Variants in TRPM4 observed in about 807,000 individuals in gnomAD.
The protein encoded by TRPM4 is transient receptor potential cation channel subfamily M member 4.
Under a neutral mutation model 135.6 loss-of-function variants are expected in TRPM4, and 124 were observed. The ratio of observed to expected loss-of-function variants is 0.91; its 90% CI spans 0.79 to 1.06. TRPM4 has a LOEUF of 1.06. Ranked by LOEUF, TRPM4 falls within the 50% of genes least tolerant of loss-of-function variation. The probability of loss-of-function intolerance (pLI) is 0.00; values close to 1 mark genes in which losing one functional copy is unlikely to be tolerated. For synonymous variants in TRPM4, 745 were observed against 705.6 expected (o/e 1.06, Z -0.88); for missense variants, 1,658 against 1,671.4 (o/e 0.99, Z 0.14).
chr19:49,196,697 C>T lies in TRPM4; in HGVS notation c.2468C>T (p.Thr823Met), dbSNP rs763766313. The T allele has an allele frequency of 1.3e-6, 2 of 1,551,056 alleles. No individual in the cohort carries two copies. The highest frequency in any genetic ancestry group is 1.7e-6 in the Non-Finnish European group (2 of 1,154,100). Residue 823 changes from threonine (T) to methionine (M), a missense_variant, in exon 17 of 25, where the codon ACG (threonine) becomes ATG (methionine). By Grantham distance (81) the Thr-to-Met change is moderately conservative (BLOSUM62 -1). Around this residue, in one of 3 missense-constraint regions of TRPM4, gnomAD observed 1,412 missense variants for 1,408.7 expected, o/e 1.00. Transcript: ENST00000252826. ...LELLLYFWAF[T>M]LLCEELRQGL... ...CTGCTGCTCTATTTCTGGGCTTTCA[C>T]GCTGCTGTGCGAGGAACTGCGCCAG...
rs1296710638 is a variant in TRPM4 at position 49,171,458 on chromosome 19, G to A, written c.858+40G>A. The A allele has an allele frequency of 1.2e-6, 2 of 1,613,374 alleles. No homozygotes were observed. Among genetic ancestry groups the A allele is most frequent in the Non-Finnish European group, 1.7e-6 (2 of 1,179,438 alleles). On this transcript the variant is annotated intron_variant, in intron 7 of 24. Coordinates refer to ENST00000252826, the MANE Select transcript of TRPM4 (RefSeq NM_017636.4). The surrounding 1 kb of genome is among the most constrained non-coding windows in gnomAD (Gnocchi z 4.7). ...ATGCCCGGATCTAAGGGGGAAGGAG[G>A]GTTGGGGGCCAGGACTCCTGGGTCC... is the stretch of plus-strand genomic sequence containing the variant.
rs747867780 is a variant in TRPM4 at position 49,210,451 on chromosome 19, G to C, written c.3328+46G>C. On this transcript the variant is annotated intron_variant, in intron 21 of 24. Transcript: ENST00000252826. This position sits in a 1 kb window ranked among gnomAD's most constrained non-coding sequence, Gnocchi z 4.1. The stretch of plus-strand genomic sequence containing the variant: ...AAAAAGGAGAAATATAGGGGACCGG[G>C]AGCCTGGAAGGCGAGGGGAAGGGGG... The C allele has an allele frequency of 6.3e-7, 1 of 1,598,644 alleles. No individual in the cohort carries two copies. The highest frequency in any genetic ancestry group is 1.1e-5 in the South Asian group (1 of 90,774).
rs754161584 is a variant in TRPM4, at chr19:49,200,439, C to A, written c.2778+7C>A. The A allele has an allele frequency of 3.7e-6, 6 of 1,602,946 alleles. No homozygotes were observed. In the East Asian group the frequency reaches 1.3e-4, roughly 36 times the overall value. On this transcript the variant is annotated splice_region_variant and intron_variant, in intron 18 of 24. Coordinates refer to ENST00000252826, the MANE Select transcript of TRPM4 (RefSeq NM_017636.4). Reference sequence around the variant, plus strand: ...CGTCATCGTGAGCAAGATGGTGAGGCAGGGGCGGGGCCAAAGTGGGCGGGG... The same window carrying A: ...CGTCATCGTGAGCAAGATGGTGAGGAAGGGGCGGGGCCAAAGTGGGCGGGG...
At chr19:49,207,349 A>G (rs976623767) in intron 20 of TRPM4, among the ~76,000 whole-genome samples, 1 of 152,172 alleles carries the variant, frequency 6.6e-6, no homozygotes. Context: ...TTTAAAAATT[A>G]TGATGCATGG....
intron 20 of TRPM4, among the ~76,000 whole-genome samples, chr19:49,207,359 G>T (rs929991817): frequency 2.0e-5 from 3 of 152,024 alleles, no homozygotes; most frequent in African/African-American, 7.2e-5. Flanking sequence ...ATGATGCATG[G>T]TGGCTTGTGC....
In TRPM4 at chr19:49,210,288, T is replaced by C; in HGVS notation, c.3211T>C (p.Ser1071Pro). 3.7e-6 allele frequency: 6 copies of C among 1,614,204 alleles called. No individual in the cohort carries two copies. Among genetic ancestry groups the C allele is most frequent in the Non-Finnish European group, 5.1e-6 (6 of 1,180,036 alleles). The change falls in exon 21 of 25, where the codon TCT becomes CCT. Residue 1071 changes from serine to proline, a missense_variant. Coordinates refer to ENST00000252826, the MANE Select transcript of TRPM4 (RefSeq NM_017636.4). This position sits in a 1 kb window ranked among gnomAD's most constrained non-coding sequence, Gnocchi z 4.1. ...QRYRLIREFH[S>P]RPALAPPFIV... is the part of the protein sequence containing the mutation. ...TTACCGCCTCATCCGGGAATTCCAC[T>C]CTCGGCCCGCGCTGGCCCCGCCCTT...
chr19:49,160,929 G>C (rs1966936954), intron 2 of TRPM4, among the ~76,000 whole-genome samples: 1 of 152,168 alleles, frequency 6.6e-6, no homozygotes, highest in Non-Finnish European at 1.5e-5. Flanking sequence ...GAGGGAGAGA[G>C]GGGGTGCCGC....
intron 6 of TRPM4, among the ~76,000 whole-genome samples, chr19:49,170,672 A>C (rs984184624): frequency 3.3e-5 from 5 of 152,286 alleles, no homozygotes; most frequent in Admixed American, 2.6e-4. Context: ...TGACTCATAC[A>C]AGAAACACCT....
intron 9 of TRPM4, among the ~76,000 whole-genome samples, chr19:49,173,241 C>T (rs1341778161): frequency 6.6e-6 from 1 of 151,710 alleles, no homozygotes; most frequent in African/African-American, 2.4e-5. Flanking sequence ...TCTACTCATT[C>T]CTCCATCCAT....
At position 49,168,652 on chromosome 19, in the gene TRPM4, G is replaced by A. The variant is rs923280649; in HGVS notation, c.712G>A (p.Gly238Ser). The A allele has an allele frequency of 5.6e-6, 9 of 1,613,190 alleles. No individual in the cohort carries two copies. Among genetic ancestry groups the A allele is most frequent in the East Asian group, 2.2e-5 (1 of 44,874 alleles). ...CTCGGCCTTCTTCCTGGTGGACGAC[G>A]GCACACACGGCTGCCTGGGGGGCGA... ...NYSAFFLVDD[G>S]THGCLGGENR... Residue 238 changes from glycine (G) to serine (S), a missense_variant, in exon 6 of 25, where the codon GGC becomes AGC. Transcript: ENST00000252826.
At chr19:49,180,486 G>A (rs984722136) in intron 9 of TRPM4, among the ~76,000 whole-genome samples, 3 of 141,988 alleles carry the variant, frequency 2.1e-5, no homozygotes, top group Admixed American at 7.4e-5. Context: ...GTTGCACCCG[G>A]GCCTTTGCTT....
chr19:49,204,664 G>C (rs1969076985), intron 20 of TRPM4, among the ~76,000 whole-genome samples: 1 of 151,792 alleles, frequency 6.6e-6, no homozygotes, highest in Non-Finnish European at 1.5e-5. Context: ...CAAGTAGCTG[G>C]GACTACAGTT....
In TRPM4 at chr19:49,168,250, G is replaced by A. The variant is rs78444754; in HGVS notation, c.449-10G>A. The A allele has an allele frequency of 0.025, 39,683 of 1,614,016 alleles. 574 individuals are homozygous for A. The highest frequency in any genetic ancestry group is 0.034 in the South Asian group (3,069 of 91,070). ...CCCCTGCCTCTGCATGTTCCTCGGCGTCTGTGTAGGAGCCTGGATTGTCAC... is the reference window on the plus strand; with the variant it reads ...CCCCTGCCTCTGCATGTTCCTCGGCATCTGTGTAGGAGCCTGGATTGTCAC... On this transcript the variant is annotated splice_polypyrimidine_tract_variant and intron_variant, in intron 4 of 24. Coordinates refer to ENST00000252826, the MANE Select transcript of TRPM4 (RefSeq NM_017636.4).
At position 49,210,724 on chromosome 19, in the gene TRPM4, A is replaced by T. The variant is rs1969325097; in HGVS notation, c.3343A>T (p.Lys1115Ter). ...ALEHFRVYLS[K>*]EAERKLLTWE... ...CGCCCCTGCAGGGGTTTACCTTTCT[A>T]AGGAAGCCGAGCGGAAGCTGCTAAC... The change falls in exon 22 of 25, where the codon AAG (lysine) becomes TAG (stop). Residue 1115 changes from lysine (K) to a stop codon, truncating the protein, a stop_gained. Transcript: ENST00000252826. LOFTEE classifies it high-confidence loss of function. This position sits in a 1 kb window ranked among gnomAD's most constrained non-coding sequence, Gnocchi z 4.1. The T allele has an allele frequency of 1.9e-6, 3 of 1,614,024 alleles. No individual in the cohort carries two copies. Among genetic ancestry groups the T allele is most frequent in the Non-Finnish European group, 2.5e-6 (3 of 1,180,032 alleles).
chr19:49,170,606 T>C (rs1465773040), intron 6 of TRPM4, among the ~76,000 whole-genome samples: 1 of 152,196 alleles, frequency 6.6e-6, no homozygotes, highest in African/African-American at 2.4e-5. Flanking sequence ...TTTCCTTTAC[T>C]TTCTATTTGA....
intron 15 of TRPM4, among the ~76,000 whole-genome samples, 165 bp downstream of exon 15, chr19:49,190,485 T>TG (rs3215289): frequency 1.3e-5 from 2 of 151,986 alleles, no homozygotes; most frequent in Non-Finnish European, 2.9e-5. Context: ...AGGTGAGTTT[T>TG]GGGGGGGATC....
chr19:49,203,384 T>A lies in TRPM4; in HGVS notation c.3131+1243T>A, dbSNP rs190076966. Reference sequence around the variant, plus strand: ...TTAGTAGAGATGGGGTTTCACCGTGTTAGCCAGGATGGTTTCGATCTCCTG... The same window carrying A: ...TTAGTAGAGATGGGGTTTCACCGTGATAGCCAGGATGGTTTCGATCTCCTG... On this transcript the variant is annotated intron_variant, in intron 20 of 24. Coordinates refer to ENST00000252826, the MANE Select transcript of TRPM4 (RefSeq NM_017636.4). Among the ~76,000 whole-genome samples the A allele has an allele frequency of 1.1e-3, 165 of 152,060 alleles. 1 individual carries two copies. Among genetic ancestry groups the A allele is most frequent in the African/African-American group, 3.8e-3 (159 of 41,468 alleles).
chr19:49,201,000 CT>C (rs771981417), intron 19 of TRPM4, among the ~76,000 whole-genome samples: 178 of 140,746 alleles, frequency 1.3e-3, no homozygotes, highest in South Asian at 0.011. Context: ...TTTCTTTTTT[CT>C]TTTTTTTTTT....
chr19:49,182,931 C>A lies in TRPM4; in HGVS notation c.1608+9C>A, dbSNP rs1158089663. 6.3e-7 allele frequency: 1 copy of A among 1,585,178 alleles called. No individual in the cohort carries two copies. On this transcript the variant is annotated intron_variant, in intron 11 of 24. Coordinates refer to ENST00000252826, the MANE Select transcript of TRPM4 (RefSeq NM_017636.4). ...AGGGCTTCGGGGAGAGCGTAAGGAC[C>A]GGGCAAAGCTGGGGGGCCCCCCCGC...
Sources: gnomAD v4.1 joint callset for allele counts (sites outside exome capture counted in the v4.1 genomes callset) on GRCh38, gnomAD v4.1.1 for gene constraint, gnomAD v4.1.1 regional missense constraint, Gnocchi (gnomAD v3.1) non-coding constraint, MANE v1.5 for transcripts, NCBI Gene and HGNC (gene_info 2026-07-23, HGNC 2026-07-21) for gene names.